Variants in CCSER1 observed in about 807,000 individuals in gnomAD.
CCSER1 encodes the protein serine-rich coiled-coil domain-containing protein 1.
Under a neutral mutation model 82.0 loss-of-function variants are expected in CCSER1, and 41 were observed. That is an observed-to-expected ratio of 0.50 (90% CI 0.39 to 0.65). The LOEUF (loss-of-function observed/expected upper bound fraction) is 0.65. Ranked by LOEUF, CCSER1 falls within the 30% of genes least tolerant of loss-of-function variation. CCSER1 has a pLI of 0.00. For missense variants in CCSER1, 1,119 were observed against 1,064.2 expected, an observed-to-expected ratio of 1.05 and a Z score of -0.72; for synonymous variants, 414 against 383.9, an observed-to-expected ratio of 1.08 and a Z score of -0.92.
chr4:90,860,988 T>A (rs1424760174), intron 8 of CCSER1, among the ~76,000 whole-genome samples: 1 of 151,546 alleles, frequency 6.6e-6, no homozygotes, highest in African/African-American at 2.4e-5. Context: ...AAGTGTACAC[T>A]TTGAAAGGGT....
intron 1 of CCSER1, among the ~76,000 whole-genome samples, chr4:90,220,062 A>C (rs747028137): frequency 2.0e-5 from 3 of 152,188 alleles, no homozygotes; most frequent in Non-Finnish European, 4.4e-5. Flanking sequence ...TATGTATAGT[A>C]CAATAAGATG....
In CCSER1 at chr4:91,546,789, T is replaced by G. The variant is rs188187115; in HGVS notation, c.2218-51783T>G. Among the ~76,000 whole-genome samples, 404 of 152,158 alleles carry G rather than the reference T, an allele frequency of 2.7e-3. 1 individual carries two copies. The highest frequency in any genetic ancestry group is 9.3e-3 in the African/African-American group (385 of 41,564). On this transcript the variant is annotated intron_variant, in intron 10 of 10. Coordinates refer to ENST00000509176, the MANE Select transcript of CCSER1 (RefSeq NM_001145065.2). ...CTACTTTGGATTTAATTTGCCCTTC[T>G]TTTTCTAGTTTCTTGTGGATATTTA... is the stretch of plus-strand genomic sequence containing the variant.
intron 7 of CCSER1, among the ~76,000 whole-genome samples, chr4:90,748,788 T>C (rs1316331216): frequency 2.0e-5 from 3 of 150,302 alleles, no homozygotes; most frequent in African/African-American, 7.4e-5. Context: ...TGATGGCCAG[T>C]GATGATGAGC....
chr4:91,293,330 C>T (rs1743903632), intron 10 of CCSER1, among the ~76,000 whole-genome samples: 1 of 151,970 alleles, frequency 6.6e-6, no homozygotes, highest in Non-Finnish European at 1.5e-5. Context: ...ACTCGGTACA[C>T]ATAGATGTAC....
At chr4:91,529,976 A>G (rs1481280646) in intron 10 of CCSER1, among the ~76,000 whole-genome samples, 3 of 152,116 alleles carry the variant, frequency 2.0e-5, no homozygotes, top group African/African-American at 7.2e-5. Context: ...ATTATGAACT[A>G]TATCCATATG....
At chr4:90,367,622 G>A (rs775629912) in intron 3 of CCSER1, among the ~76,000 whole-genome samples, 7 of 151,860 alleles carry the variant, frequency 4.6e-5, no homozygotes, top group Non-Finnish European at 1.0e-4. Context: ...AATTTGTACA[G>A]CTAAGAATAT....
intron 4 of CCSER1, among the ~76,000 whole-genome samples, chr4:90,461,337 G>A (rs1762898889): frequency 8.5e-6 from 1 of 117,108 alleles, no homozygotes; most frequent in Non-Finnish European, 1.7e-5. Flanking sequence ...AAAGTGCTGG[G>A]ATTACAGGCG....
chr4:91,151,515 G>A (rs557432520), intron 10 of CCSER1, among the ~76,000 whole-genome samples: 12 of 152,040 alleles, frequency 7.9e-5, no homozygotes, highest in East Asian at 3.9e-4. Flanking sequence ...CCTTCTGCTC[G>A]CTTTTGAATG....
chr4:90,450,513 T>C (rs1761303079), intron 4 of CCSER1, among the ~76,000 whole-genome samples: 2 of 152,170 alleles, frequency 1.3e-5, no homozygotes, highest in African/African-American at 2.4e-5. Flanking sequence ...AGGGTATCCA[T>C]GGAGGGTTGA....
intron 6 of CCSER1, among the ~76,000 whole-genome samples, chr4:90,661,069 G>A (rs1468332955): frequency 6.6e-6 from 1 of 152,094 alleles, no homozygotes; most frequent in Admixed American, 6.6e-5. Context: ...CATTCGCTTG[G>A]TTGTCTGGAT....
intron 10 of CCSER1, among the ~76,000 whole-genome samples, chr4:91,395,781 C>T (rs1751940327): frequency 6.6e-6 from 1 of 151,926 alleles, no homozygotes; most frequent in African/African-American, 2.4e-5. Flanking sequence ...TCCCTGCTTG[C>T]CTGATTACTC....
At chr4:91,389,335 C>A (rs997451193) in intron 10 of CCSER1, among the ~76,000 whole-genome samples, 5 of 151,926 alleles carry the variant, frequency 3.3e-5, no homozygotes, top group Admixed American at 6.6e-5. Flanking sequence ...AAAAGACTAT[C>A]TTTGTTCCAT....
intron 9 of CCSER1, among the ~76,000 whole-genome samples, chr4:91,054,672 G>A (rs2148717793): frequency 6.6e-6 from 1 of 151,682 alleles, no homozygotes. Flanking sequence ...TATCCAAAAT[G>A]CTTGGGACAA....
intron 3 of CCSER1, among the ~76,000 whole-genome samples, chr4:90,355,656 C>A (rs372044274): frequency 2.6e-5 from 4 of 151,902 alleles, no homozygotes; most frequent in African/African-American, 7.2e-5. Flanking sequence ...TCCTCTGTGC[C>A]ATAGACAGTA....
intron 7 of CCSER1, among the ~76,000 whole-genome samples, chr4:90,751,520 T>C (rs1396031316): frequency 6.6e-6 from 1 of 152,000 alleles, no homozygotes; most frequent in Non-Finnish European, 1.5e-5. Context: ...CACAGAAACA[T>C]CAATATAAAT....
chr4:91,199,358 A>G (rs905948290), intron 10 of CCSER1, among the ~76,000 whole-genome samples: 5 of 152,132 alleles, frequency 3.3e-5, no homozygotes, highest in African/African-American at 1.2e-4. Context: ...AAAGATGTAA[A>G]TATATTTGAC....
intron 5 of CCSER1, among the ~76,000 whole-genome samples, chr4:90,583,448 G>A (rs1175279559): frequency 6.6e-6 from 1 of 152,156 alleles, no homozygotes; most frequent in African/African-American, 2.4e-5. Flanking sequence ...TTACAGGCAT[G>A]AGCCACCGCG....
chr4:90,466,143 A>G (rs993067999), intron 4 of CCSER1, among the ~76,000 whole-genome samples: 2 of 152,258 alleles, frequency 1.3e-5, no homozygotes, highest in African/African-American at 4.8e-5. Context: ...AGGATTTTGC[A>G]GATGTAATTA....
At chr4:91,145,012 TGTTA>T (rs1229513085) in intron 10 of CCSER1, among the ~76,000 whole-genome samples, 1 of 152,108 alleles carries the variant, frequency 6.6e-6, no homozygotes, top group East Asian at 1.9e-4. Flanking sequence ...AGTATTTCTT[TGTTA>T]GTTTTCTGCC....
Sources: gnomAD v4.1 joint callset for allele counts (sites outside exome capture counted in the v4.1 genomes callset) on GRCh38, gnomAD v4.1.1 for gene constraint, MANE v1.5 for transcripts, NCBI Gene and HGNC (gene_info 2026-07-23, HGNC 2026-07-21) for gene names.